PTPRN2: variants seen among roughly 807,000 people sequenced by gnomAD.
PTPRN2 encodes the protein receptor-type tyrosine-protein phosphatase N2.
PTPRN2 carries 74 observed loss-of-function variants against 118.8 expected under a neutral mutation model. The ratio of observed to expected loss-of-function variants is 0.62; its 90% CI spans 0.52 to 0.76. PTPRN2 has a LOEUF of 0.76. PTPRN2 is among the 30% of genes least tolerant of loss of function. The probability of loss-of-function intolerance (pLI) is 0.00; values close to 1 mark genes in which losing one functional copy is unlikely to be tolerated. For synonymous variants in PTPRN2, 641 were observed against 608.0 expected (o/e 1.05, Z -0.80); for missense variants, 1,481 against 1,394.4 (o/e 1.06, Z -0.99).
chr7:158,568,767 G>A (rs1416022374), intron 1 of PTPRN2, among the ~76,000 whole-genome samples: 1 of 151,642 alleles, frequency 6.6e-6, no homozygotes, highest in Non-Finnish European at 1.5e-5. Context: ...CTTTATGTGT[G>A]TAACTAAAAA....
intron 3 of PTPRN2, among the ~76,000 whole-genome samples, chr7:158,294,674 G>A (rs928296131): frequency 1.3e-5 from 2 of 152,078 alleles, no homozygotes; most frequent in Non-Finnish European, 2.9e-5. Context: ...GTTCCCGGGG[G>A]AGAGTGAGAG....
At chr7:158,103,524 G>C (rs1296776142) in intron 10 of PTPRN2, among the ~76,000 whole-genome samples, 4 of 152,220 alleles carry the variant, frequency 2.6e-5, no homozygotes, top group Non-Finnish European at 5.9e-5. Context: ...TGGGCCCCAG[G>C]AGATTCCCTT....
At chr7:158,244,026 C>G (rs1393970062) in intron 3 of PTPRN2, among the ~76,000 whole-genome samples, 1 of 152,158 alleles carries the variant, frequency 6.6e-6, no homozygotes, top group Non-Finnish European at 1.5e-5. Flanking sequence ...TAGTGCTGAT[C>G]CCTCCCACCC....
At chr7:157,800,219 CCT>C (rs750396271) in intron 12 of PTPRN2, among the ~76,000 whole-genome samples, 3 of 152,226 alleles carry the variant, frequency 2.0e-5, no homozygotes. Context: ...GCCTGCGTGG[CCT>C]CTGTGTTTCT....
At chr7:158,042,624 C>T (rs552621357) in intron 11 of PTPRN2, among the ~76,000 whole-genome samples, 5 of 152,354 alleles carry the variant, frequency 3.3e-5, no homozygotes, top group South Asian at 2.1e-4. Context: ...TGGTATCCTG[C>T]CTGCAAGCTT....
At chr7:158,333,512 T>G (rs1804924455) in intron 2 of PTPRN2, among the ~76,000 whole-genome samples, 1 of 148,394 alleles carries the variant, frequency 6.7e-6, no homozygotes, top group African/African-American at 2.6e-5. Flanking sequence ...ACACCCACAC[T>G]CTCACCATAA....
intron 3 of PTPRN2, among the ~76,000 whole-genome samples, chr7:158,281,823 C>T (rs968443153): frequency 6.6e-6 from 1 of 152,220 alleles, no homozygotes; most frequent in East Asian, 1.9e-4. Context: ...TGGGTAAAGC[C>T]AGAATAAACC....
rs139382723 is a variant in PTPRN2 at position 158,069,895 on chromosome 7, C to T, written c.1723+11403G>A. ...TTCATTTGATCTGAATGCAGCCTCG[C>T]GGAGTGTAACTATTGGCCCTAGCTG... On this transcript the variant is annotated intron_variant, in intron 11 of 22. Transcript: ENST00000389418. Among the ~76,000 whole-genome samples the T allele has an allele frequency of 1.6e-3, 237 of 152,338 alleles. 2 individuals are homozygous for T. Among genetic ancestry groups the T allele is most frequent in the South Asian group, 2.9e-3 (14 of 4,830 alleles).
intron 6 of PTPRN2, among the ~76,000 whole-genome samples, chr7:158,155,794 C>T (rs1437612167): frequency 7.3e-6 from 1 of 137,004 alleles, no homozygotes; most frequent in Non-Finnish European, 1.6e-5. Context: ...CCATCATCAA[C>T]ACCATCATCA....
At position 157,728,226 on chromosome 7, in the gene PTPRN2, G is replaced by C. The variant is rs1449181483; in HGVS notation, c.1789-45289C>G. On this transcript the variant is annotated intron_variant, in intron 12 of 22. Transcript: ENST00000389418. ...GACTCTGCCGCGCGGTCTCCTCACT[G>C]TGCTTCCTGCAATCATGCCTTGTAC... Among the ~76,000 whole-genome samples, 2 of 152,244 alleles carry C rather than the reference G, an allele frequency of 1.3e-5. 1 individual carries two copies. The highest frequency in any genetic ancestry group is 3.8e-4 in the East Asian group (2 of 5,200).
At chr7:158,115,477 A>G (rs1240378519) in intron 9 of PTPRN2, among the ~76,000 whole-genome samples, 1 of 152,094 alleles carries the variant, frequency 6.6e-6, no homozygotes, top group East Asian at 1.9e-4. Context: ...TGTGACCCCT[A>G]AAATCTGTAT....
intron 14 of PTPRN2, among the ~76,000 whole-genome samples, chr7:157,633,165 G>C (rs950411592): frequency 6.7e-6 from 1 of 148,924 alleles, no homozygotes; most frequent in African/African-American, 2.5e-5. Context: ...TTTTGAGACA[G>C]AGTCTCACTC....
intron 9 of PTPRN2, among the ~76,000 whole-genome samples, chr7:158,124,735 G>A (rs1221676201): frequency 6.6e-6 from 1 of 152,094 alleles, no homozygotes; most frequent in Non-Finnish European, 1.5e-5. Flanking sequence ...GGGAGGGCCT[G>A]GTGGAGTGTC....
intron 12 of PTPRN2, chr7:157,863,548 T>A (rs1810400547): frequency 6.6e-6 from 1 of 152,220 alleles, no homozygotes; most frequent in Admixed American, 6.5e-5. Flanking sequence ...AGAAAAAAAT[T>A]AAAAGTAATT....
intron 5 of PTPRN2, among the ~76,000 whole-genome samples, chr7:158,186,429 C>T (rs868324979): frequency 2.0e-5 from 3 of 152,208 alleles, no homozygotes; most frequent in Non-Finnish European, 4.4e-5. Context: ...ACACTCTGCA[C>T]CCTACGTCCA....
chr7:158,023,537 C>T (rs759172740), intron 11 of PTPRN2, among the ~76,000 whole-genome samples: 15 of 152,220 alleles, frequency 9.9e-5, no homozygotes, highest in Non-Finnish European at 2.1e-4. Context: ...GTCCCATCCA[C>T]TGCAAAGGAG....
chr7:158,196,553 G>A (rs181219147), intron 4 of PTPRN2, among the ~76,000 whole-genome samples: 10 of 143,576 alleles, frequency 7.0e-5, no homozygotes, highest in African/African-American at 1.9e-4. Context: ...ACCTCTCCTC[G>A]GCCAAACCCG....
chr7:157,830,072 TGTCCTTTC>T (rs1807458846), intron 12 of PTPRN2, among the ~76,000 whole-genome samples: 1 of 23,330 alleles, frequency 4.3e-5, no homozygotes, highest in East Asian at 1.1e-3. Context: ...TCCCTCCCAC[TGTCCTTTC>T]TGGATGGTGT....
intron 12 of PTPRN2, among the ~76,000 whole-genome samples, chr7:157,799,903 C>A (rs1445167150): frequency 1.4e-5 from 2 of 147,484 alleles, no homozygotes; most frequent in Admixed American, 6.7e-5. Flanking sequence ...CCCCCTCCAT[C>A]CCTCAGAGGC....
Sources: allele counts gnomAD v4.1 joint callset (sites outside exome capture counted in the v4.1 genomes callset), GRCh38; gene constraint gnomAD v4.1.1; transcripts MANE v1.5; gene names NCBI Gene and HGNC (gene_info 2026-07-23, HGNC 2026-07-21).